Variants in NUP62 observed in about 807,000 individuals in gnomAD.
The protein encoded by NUP62 is nuclear pore glycoprotein p62.
For synonymous variants in NUP62, 305 were observed against 303.4 expected (o/e 1.01, Z -0.05); for missense variants, 647 against 689.4 (o/e 0.94, Z 0.69).
intron 2 of NUP62, among the ~76,000 whole-genome samples, chr19:49,926,266 T>C (rs1181510533): frequency 6.8e-6 from 1 of 146,446 alleles, no homozygotes; most frequent in Non-Finnish European, 1.5e-5. Context: ...TGGTGGCTCA[T>C]GCCTGTAAAT....
intron 2 of NUP62, among the ~76,000 whole-genome samples, chr19:49,923,067 CTG>C (rs2075801965): frequency 6.6e-6 from 1 of 151,236 alleles, no homozygotes; most frequent in South Asian, 2.1e-4. Context: ...TATCAGTTTG[CTG>C]TGTCCCTTTT....
rs143412590 is a variant in NUP62 at position 49,908,425 on chromosome 19, G to A, written c.1383C>T (p.Ser461=). The A allele has an allele frequency of 9.5e-5, 154 of 1,614,122 alleles. No homozygotes were observed. The highest frequency in any genetic ancestry group is 1.2e-4 in the Non-Finnish European group (138 of 1,180,048). Residue 461 remains serine, a synonymous_variant, in exon 3 of 3, where the codon TCC becomes TCT. Transcript: ENST00000352066. ...LKDIIEHLNT[S]GAPADTSDPL... Reference sequence around the variant, plus strand: ...GGTCACTGGTGTCGGCGGGGGCCCCGGACGTGTTCAGGTGCTCGATGATGT... The same window carrying A: ...GGTCACTGGTGTCGGCGGGGGCCCCAGACGTGTTCAGGTGCTCGATGATGT...
chr19:49,907,256 A>C lies in NUP62; in HGVS notation c.*983T>G, dbSNP rs1600491371. On this transcript the variant is annotated 3_prime_UTR_variant, in exon 3 of 3. Transcript: ENST00000352066. ...CAGGGTGCTACGGGGACCTGCAAGAAGGCCACCTGAGCTTCGGGTAGCTGG... is the reference window on the plus strand; with the variant it reads ...CAGGGTGCTACGGGGACCTGCAAGACGGCCACCTGAGCTTCGGGTAGCTGG... 3 of 292,106 alleles carry C rather than the reference A, an allele frequency of 1.0e-5. No homozygotes were observed. Among genetic ancestry groups the C allele is most frequent in the Middle Eastern group, 2.6e-3 (2 of 760 alleles). 18.1% of individuals were successfully genotyped at this position (292,106 alleles called of 1,614,324 possible). A position where few individuals can be genotyped will look rare whatever the true frequency, so the allele number is the denominator to read the frequency against.
chr19:49,923,777 C>T (rs1798969893), intron 2 of NUP62, among the ~76,000 whole-genome samples: 1 of 152,238 alleles, frequency 6.6e-6, no homozygotes, highest in Non-Finnish European at 1.5e-5. Context: ...AAGAGGATGC[C>T]ACTTGCTGAG....
Position 49,907,537 on chromosome 19 carries a change from C to CTTTTTT in NUP62, c.*696_*701dup. On this transcript the variant is annotated 3_prime_UTR_variant, in exon 3 of 3. Transcript: ENST00000352066. ...CTAGGCTGCTGTCTCCTGGGAGTTT[C>CTTTTTT]TTTTTTTTTTTTTTTTTTTTTGAGA... The CTTTTTT allele has an allele frequency of 8.1e-5, 27 of 332,832 alleles. No homozygotes were observed. Among genetic ancestry groups the CTTTTTT allele is most frequent in the East Asian group, 2.6e-4 (3 of 11,712 alleles). 20.6% of individuals were successfully genotyped at this position (332,832 alleles called of 1,614,324 possible).
At chr19:49,925,060 G>A (rs922130077) in intron 2 of NUP62, among the ~76,000 whole-genome samples, 18 of 152,172 alleles carry the variant, frequency 1.2e-4, no homozygotes, top group African/African-American at 4.1e-4. Context: ...TCGGGAGTTC[G>A]AGACCAGCCT....
At chr19:49,924,981 G>T (rs1270195279) in intron 2 of NUP62, among the ~76,000 whole-genome samples, 1 of 152,194 alleles carries the variant, frequency 6.6e-6, no homozygotes, top group East Asian at 1.9e-4. Flanking sequence ...CCCACACCGG[G>T]CCAGGCGCGG....
intron 2 of NUP62, chr19:49,913,190 GAC>G (rs941776293): frequency 3.3e-5 from 5 of 152,488 alleles, no homozygotes; most frequent in African/African-American, 9.6e-5. Flanking sequence ...CCACACAGCA[GAC>G]ATGCCTCTGG....
intron 2 of NUP62, among the ~76,000 whole-genome samples, chr19:49,924,732 G>T (rs1177558257): frequency 1.3e-5 from 2 of 152,206 alleles, no homozygotes; most frequent in African/African-American, 4.8e-5. Flanking sequence ...GACCGGCTAT[G>T]AACTAGAACA....
At chr19:49,914,739 T>TTTTG (rs2075579764) in intron 2 of NUP62, among the ~76,000 whole-genome samples, 1 of 119,540 alleles carries the variant, frequency 8.4e-6, no homozygotes, top group South Asian at 2.8e-4. Context: ...TTTTTTTTTT[T>TTTTG]TTTTTTTTTT....
intron 2 of NUP62, among the ~76,000 whole-genome samples, chr19:49,919,248 T>G (rs552700164): frequency 6.6e-6 from 1 of 152,336 alleles, no homozygotes; most frequent in South Asian, 2.1e-4. Context: ...CTGTCTTCCC[T>G]GAGTCCCACA....
rs1568702555 is a variant in NUP62 at position 49,909,826 on chromosome 19, C to CTCAT, written c.-20_-19insATGA. The CTCAT allele has an allele frequency of 6.2e-7, 1 of 1,613,090 alleles. No individual in the cohort carries two copies. Among genetic ancestry groups the CTCAT allele is most frequent in the East Asian group, 2.2e-5 (1 of 44,876 alleles). Reference sequence around the variant, plus strand: ...CGCTCATGGCTCCGGACTCTGGTGGCGGCAGCTACTCTGGCTCCCAAAGCA... The same window carrying CTCAT: ...CGCTCATGGCTCCGGACTCTGGTGGCTCATGGCAGCTACTCTGGCTCCCAAAGCA... On this transcript the variant is annotated 5_prime_UTR_variant, in exon 3 of 3. In the 5' UTR this introduces an upstream ATG that the reference lacks. Transcript: ENST00000352066.
At position 49,909,152 on chromosome 19, in the gene NUP62, G is replaced by A; in HGVS notation, c.656C>T (p.Pro219Leu). ...TPTATITSTGPSLFASIATAP... is the reference protein window; with the variant it reads ...TPTATITSTGLSLFASIATAP... The stretch of plus-strand genomic sequence containing the variant: ...AGTTGCTATTGACGCAAAGAGGCTG[G>A]GCCCAGTGCTGGTGATGGTGGCTGT... Residue 219 changes from proline (P) to leucine (L), a missense_variant, in exon 3 of 3, where the codon CCC (proline) becomes CTC (leucine). By Grantham distance (98) the Pro-to-Leu change is moderately conservative (BLOSUM62 -3). Transcript: ENST00000352066. 6.2e-7 allele frequency: 1 copy of A among 1,613,266 alleles called. No individual in the cohort carries two copies. The highest frequency in any genetic ancestry group is 2.2e-5 in the East Asian group (1 of 44,878).
intron 2 of NUP62, among the ~76,000 whole-genome samples, chr19:49,926,932 T>G (rs1412739657): frequency 6.6e-6 from 1 of 151,384 alleles, no homozygotes; most frequent in Non-Finnish European, 1.5e-5. Context: ...CTCGGCTTAC[T>G]GCAACCTCCG....
In NUP62 at chr19:49,907,378, C is replaced by G. The variant is rs75368221; in HGVS notation, c.*861G>C. ...CGCCCATCTGTGGTTCCTCAACACC[C>G]TGTGTGTGCAGGCCCCTCAGCTGAC... On this transcript the variant is annotated 3_prime_UTR_variant, in exon 3 of 3. Coordinates refer to ENST00000352066, the MANE Select transcript of NUP62 (RefSeq NM_016553.5). 11,753 of 342,992 alleles carry G rather than the reference C, an allele frequency of 0.034. 786 individuals are homozygous for G. Among genetic ancestry groups the G allele is most frequent in the Admixed American group, 0.13 (3,066 of 22,910 alleles). The allele number at this position is 342,992 out of a possible 1,614,324, so 21.2% of individuals were successfully genotyped here. A position where few individuals can be genotyped will look rare whatever the true frequency, so the allele number is the denominator to read the frequency against.
At chr19:49,922,852 C>T (rs1191639037) in intron 2 of NUP62, among the ~76,000 whole-genome samples, 1 of 152,162 alleles carries the variant, frequency 6.6e-6, no homozygotes, top group Non-Finnish European at 1.5e-5. Context: ...GGGCCTGACA[C>T]AGGGCCCAAG....
chr19:49,907,065 T>C lies in NUP62; in HGVS notation c.*1174A>G. ...CTATTTCTGTGGACTGACGTTACAC[T>C]GGGCTTCATTGTTCTTTCATTTAAC... On this transcript the variant is annotated 3_prime_UTR_variant, in exon 3 of 3. Coordinates refer to ENST00000352066, the MANE Select transcript of NUP62 (RefSeq NM_016553.5). 1 of 156,172 alleles carries C rather than the reference T, an allele frequency of 6.4e-6. No individual in the cohort carries two copies. Among genetic ancestry groups the C allele is most frequent in the Non-Finnish European group, 1.4e-5 (1 of 70,136 alleles). The allele number at this position is 156,172 out of a possible 1,614,324, so 9.7% of individuals were successfully genotyped here.
chr19:49,919,953 GGTCTCACTCT>G (rs1488351134), intron 2 of NUP62, among the ~76,000 whole-genome samples: 1 of 151,952 alleles, frequency 6.6e-6, no homozygotes, highest in Non-Finnish European at 1.5e-5. Flanking sequence ...TCTAAGACAA[GGTCTCACTCT>G]GTCTCCCAGG....
chr19:49,913,316 A>G (rs959492428), intron 2 of NUP62, among the ~76,000 whole-genome samples: 4 of 152,240 alleles, frequency 2.6e-5, no homozygotes, highest in African/African-American at 7.2e-5. Flanking sequence ...GCCCTTGACC[A>G]GCTCCAGGAG....
Sources: gnomAD v4.1 joint callset for allele counts (sites outside exome capture counted in the v4.1 genomes callset) on GRCh38, gnomAD v4.1.1 for gene constraint, MANE v1.5 for transcripts, NCBI Gene and HGNC (gene_info 2026-07-23, HGNC 2026-07-21) for gene names.